The following CDH8 variants were observed in gnomAD, a reference collection of about 807,000 sequenced individuals.
The protein encoded by CDH8 is cadherin-8.
CDH8 carries 17 observed loss-of-function variants against 68.1 expected under a neutral mutation model. The observed-to-expected ratio is 0.25, with a 90% confidence interval of 0.17 to 0.37. CDH8 has a LOEUF of 0.37. Ranked by LOEUF, CDH8 falls within the 10% of genes least tolerant of loss-of-function variation. The pLI, the probability that CDH8 is intolerant of heterozygous loss-of-function variation, is 1.00. For synonymous variants in CDH8, 372 were observed against 365.1 expected (o/e 1.02, Z -0.21); for missense variants, 763 against 999.3 (o/e 0.76, Z 3.19).
At chr16:61,706,553 G>A (rs1021421440) in intron 10 of CDH8, among the ~76,000 whole-genome samples, 7 of 148,662 alleles carry the variant, frequency 4.7e-5, no homozygotes, top group African/African-American at 1.5e-4. Context: ...CGCCGGAAGC[G>A]GAGCCTGCAG....
chr16:61,955,922 A>G (rs760185480), intron 2 of CDH8, among the ~76,000 whole-genome samples: 3 of 152,238 alleles, frequency 2.0e-5, no homozygotes, highest in Non-Finnish European at 4.4e-5. Flanking sequence ...AGAGTACAAT[A>G]GCATGTAAAT....
At chr16:61,794,648 G>A (rs2142995325) in intron 7 of CDH8, among the ~76,000 whole-genome samples, 1 of 152,024 alleles carries the variant, frequency 6.6e-6, no homozygotes, top group Non-Finnish European at 1.5e-5. Context: ...TTAGTGTCCT[G>A]CGTGTACACA....
chr16:61,701,672 C>T (rs545387296), intron 10 of CDH8, among the ~76,000 whole-genome samples: 4 of 152,106 alleles, frequency 2.6e-5, no homozygotes, highest in African/African-American at 7.2e-5. Flanking sequence ...TAGCAAGATA[C>T]GGGAAGAGCA....
In CDH8 at chr16:61,821,992, TGTCA is replaced by T. The variant is rs758587637; in HGVS notation, c.836-883_836-880del. On this transcript the variant is annotated intron_variant, in intron 5 of 11. Coordinates refer to ENST00000577390, the MANE Select transcript of CDH8 (RefSeq NM_001796.5). Reference sequence around the variant, plus strand: ...TTTAGAACCTATTTTGCCCACTGAGTGTCAGGCCAAAAATGCCAGAAAATTAATG... The same window carrying T: ...TTTAGAACCTATTTTGCCCACTGAGTGGCCAAAAATGCCAGAAAATTAATG... Among the ~76,000 whole-genome samples, 7 of 151,946 alleles carry T rather than the reference TGTCA, an allele frequency of 4.6e-5. No homozygotes were observed. In the East Asian group the frequency reaches 1.4e-3, roughly 30 times the overall value.
intron 2 of CDH8, among the ~76,000 whole-genome samples, chr16:61,941,332 A>C (rs1964721650): frequency 6.6e-6 from 1 of 152,206 alleles, no homozygotes; most frequent in South Asian, 2.1e-4. Context: ...CTTTGACCCA[A>C]AATGATTTGA....
chr16:62,007,123 G>C (rs1965988900), intron 2 of CDH8, among the ~76,000 whole-genome samples: 1 of 152,042 alleles, frequency 6.6e-6, no homozygotes, highest in Non-Finnish European at 1.5e-5. Context: ...GATCAGGCTG[G>C]TCTTGAACTC....
intron 6 of CDH8, among the ~76,000 whole-genome samples, chr16:61,820,035 G>A (rs1962173162): frequency 6.6e-6 from 1 of 152,042 alleles, no homozygotes; most frequent in Non-Finnish European, 1.5e-5. Context: ...ACTATAAATG[G>A]AAAATGCTGT....
intron 10 of CDH8, chr16:61,692,176 G>A (rs1017158636): frequency 1.3e-5 from 2 of 152,136 alleles, no homozygotes; most frequent in Non-Finnish European, 2.9e-5. Context: ...GTTTTTATGA[G>A]AGTCACTCTG....
chr16:61,958,353 G>A (rs1273921945), intron 2 of CDH8, among the ~76,000 whole-genome samples: 1 of 152,196 alleles, frequency 6.6e-6, no homozygotes, highest in Admixed American at 6.5e-5. Context: ...GTACCTGTAC[G>A]AGTATGATGA....
In CDH8 at chr16:61,653,533, T is replaced by C. The variant is rs1280381419; in HGVS notation, c.*75A>G. ...CTTGCCTCTAAAACAAATAGCCACA[T>C]TGGTTGTATCTAAGGGGAGTGACCC... is the stretch of plus-strand genomic sequence containing the variant. On this transcript the variant is annotated 3_prime_UTR_variant, in exon 12 of 12. Coordinates refer to ENST00000577390, the MANE Select transcript of CDH8 (RefSeq NM_001796.5). The C allele has an allele frequency of 6.6e-6, 10 of 1,513,990 alleles. No individual in the cohort carries two copies. The highest frequency in any genetic ancestry group is 3.6e-4 in the Middle Eastern group (2 of 5,582). The allele number at this position is 1,513,990 out of a possible 1,614,324, so 93.8% of individuals were successfully genotyped here. A position where few individuals can be genotyped will look rare whatever the true frequency, so the allele number is the denominator to read the frequency against.
intron 3 of CDH8, among the ~76,000 whole-genome samples, chr16:61,890,640 C>A (rs1963759040): frequency 6.6e-6 from 1 of 151,948 alleles, no homozygotes; most frequent in African/African-American, 2.4e-5. Context: ...AAATTTCAGG[C>A]CTTTTTGTAA....
At chr16:61,810,264 T>C (rs1961909179) in intron 7 of CDH8, among the ~76,000 whole-genome samples, 1 of 152,242 alleles carries the variant, frequency 6.6e-6, no homozygotes, top group East Asian at 1.9e-4. Flanking sequence ...TTTTCTCGCA[T>C]GCACTTTGAG....
intron 2 of CDH8, among the ~76,000 whole-genome samples, chr16:61,911,381 T>C (rs1411523302): frequency 1.3e-5 from 2 of 152,056 alleles, no homozygotes; most frequent in Non-Finnish European, 2.9e-5. Context: ...AACAAATGGA[T>C]GAATAAACTA....
chr16:61,958,964 G>A (rs1272225345), intron 2 of CDH8, among the ~76,000 whole-genome samples: 1 of 152,086 alleles, frequency 6.6e-6, no homozygotes, highest in East Asian at 1.9e-4. Flanking sequence ...AAAATTCCCA[G>A]CTACACACAG....
At position 61,720,512 on chromosome 16, in the gene CDH8, T is replaced by C. The variant is rs545007204; in HGVS notation, c.1537-6554A>G. On this transcript the variant is annotated intron_variant, in intron 9 of 11. Coordinates refer to ENST00000577390, the MANE Select transcript of CDH8 (RefSeq NM_001796.5). ...CCATTTTCTCTGTAGATAATCAATC[T>C]CAATTAAATTAGGGGCCAGAATAAA... Among the ~76,000 whole-genome samples, 6 of 150,998 alleles carry C rather than the reference T, an allele frequency of 4.0e-5. No homozygotes were observed. In the South Asian group the frequency reaches 1.2e-3, roughly 31 times the overall value.
chr16:61,995,962 G>A (rs1245546862), intron 2 of CDH8, among the ~76,000 whole-genome samples: 1 of 152,128 alleles, frequency 6.6e-6, no homozygotes, highest in Non-Finnish European at 1.5e-5. Context: ...GGCTCATACT[G>A]ATCCTAATCC....
chr16:61,744,037 G>A (rs1378404686), intron 8 of CDH8, among the ~76,000 whole-genome samples: 1 of 152,050 alleles, frequency 6.6e-6, no homozygotes, highest in East Asian at 1.9e-4. Flanking sequence ...TGCATGTGTT[G>A]AGAGTTGTTT....
intron 4 of CDH8, among the ~76,000 whole-genome samples, chr16:61,856,317 A>G (rs1366991517): frequency 6.6e-6 from 1 of 152,200 alleles, no homozygotes; most frequent in African/African-American, 2.4e-5. Context: ...TCTTAATAAT[A>G]GTTTTTAAAT....
intron 8 of CDH8, among the ~76,000 whole-genome samples, chr16:61,758,688 T>G (rs965497193): frequency 1.3e-5 from 2 of 152,112 alleles, no homozygotes; most frequent in African/African-American, 4.8e-5. Context: ...CCACCTCGGC[T>G]TCCCAATGTT....
Sources: gnomAD v4.1 joint callset for allele counts (sites outside exome capture counted in the v4.1 genomes callset) on GRCh38, gnomAD v4.1.1 for gene constraint, MANE v1.5 for transcripts, NCBI Gene and HGNC (gene_info 2026-07-23, HGNC 2026-07-21) for gene names.